Variants in DNER observed in about 807,000 individuals in gnomAD.
The protein encoded by DNER is delta and Notch-like epidermal growth factor-related receptor.
DNER carries 33 observed loss-of-function variants against 78.2 expected under a neutral mutation model. The ratio of observed to expected loss-of-function variants is 0.42; its 90% CI spans 0.32 to 0.56. The LOEUF is 0.56. Among genes scored for constraint, DNER ranks in the 20% least tolerant of loss-of-function variants. The pLI is 0.11. For missense variants in DNER, 918 were observed against 975.3 expected (o/e 0.94, Z 0.78); for synonymous variants, 417 against 384.8 (o/e 1.08, Z -0.98).
chr2:229,563,977 CCAT>C lies in DNER; in HGVS notation c.848-16888_848-16886del, dbSNP rs562263252. Among the ~76,000 whole-genome samples, 579 of 139,046 alleles carry C rather than the reference CCAT, an allele frequency of 4.2e-3. 8 individuals are homozygous for C. Among genetic ancestry groups the C allele is most frequent in the African/African-American group, 0.014 (503 of 36,396 alleles). The allele number at this position is 139,046 out of a possible 152,430, so 91.2% of individuals were successfully genotyped here. On this transcript the variant is annotated intron_variant, in intron 4 of 12. Coordinates refer to ENST00000341772, the MANE Select transcript of DNER (RefSeq NM_139072.4). ...CACCATCATCATCCTCATCCCATCA[CCAT>C]CATCATCATCATCATCCTCACCCCA...
intron 9 of DNER, among the ~76,000 whole-genome samples, chr2:229,410,487 A>C (rs1693486648): frequency 6.6e-6 from 1 of 152,172 alleles, no homozygotes; most frequent in Admixed American, 6.5e-5. Flanking sequence ...TGCCTCAAAA[A>C]CACCCTATTT....
At chr2:229,616,153 T>C (rs1438681927) in intron 1 of DNER, among the ~76,000 whole-genome samples, 1 of 152,234 alleles carries the variant, frequency 6.6e-6, no homozygotes, top group Non-Finnish European at 1.5e-5. Flanking sequence ...TGGTTGCTCA[T>C]AGGTGACCAT....
At chr2:229,432,170 G>A (rs1049440455) in intron 8 of DNER, among the ~76,000 whole-genome samples, 4 of 152,116 alleles carry the variant, frequency 2.6e-5, no homozygotes, top group South Asian at 2.1e-4. Flanking sequence ...AGTAAGAAAA[G>A]CATTTTAATA....
chr2:229,618,022 G>A (rs1698195314), intron 1 of DNER, among the ~76,000 whole-genome samples: 2 of 152,296 alleles, frequency 1.3e-5, no homozygotes, highest in East Asian at 1.9e-4. Flanking sequence ...CATGACCCCT[G>A]GGCTTTTGTT....
intron 4 of DNER, among the ~76,000 whole-genome samples, chr2:229,553,447 A>G (rs540007227): frequency 3.3e-5 from 5 of 152,214 alleles, no homozygotes; most frequent in East Asian, 1.9e-4. Context: ...CGAAGATGTC[A>G]TCTCATGAGT....
At position 229,668,536 on chromosome 2, in the gene DNER, GTATA is replaced by G. The variant is rs1163016191; in HGVS notation, c.276+45608_276+45611del. 1.7e-3 allele frequency among the ~76,000 whole-genome samples: 12 copies of G among 7,086 alleles called. No homozygotes were observed. The East Asian group carries it at 0.037, about 22-fold the overall frequency. The allele number at this position is 7,086 out of a possible 152,430, so 4.6% of individuals were successfully genotyped here. On this transcript the variant is annotated intron_variant, in intron 1 of 12. Coordinates refer to ENST00000341772, the MANE Select transcript of DNER (RefSeq NM_139072.4). Reference sequence around the variant, plus strand: ...TAAGTATGTGTGTGTGTGTGTGTGTGTATATATATATATATATATATATATATAT... The same window carrying G: ...TAAGTATGTGTGTGTGTGTGTGTGTGTATATATATATATATATATATATAT...
intron 7 of DNER, among the ~76,000 whole-genome samples, chr2:229,453,949 A>T (rs567479303): frequency 6.6e-6 from 1 of 151,278 alleles, no homozygotes; most frequent in African/African-American, 2.4e-5. Context: ...AAAAGAAAGA[A>T]GAGAAACCAG....
rs116573446 is a variant in DNER at position 229,445,530 on chromosome 2, G to C, written c.1486+1786C>G. 5.0e-3 allele frequency among the ~76,000 whole-genome samples: 757 copies of C among 152,312 alleles called. 1 individual carries two copies. Among genetic ancestry groups the C allele is most frequent in the Middle Eastern group, 0.014 (4 of 294 alleles). On this transcript the variant is annotated intron_variant, in intron 8 of 12. Coordinates refer to ENST00000341772, the MANE Select transcript of DNER (RefSeq NM_139072.4). ...TGGTATGAAGGTGTGTTTTAGATGA[G>C]ATTAACGTTTAAATCAGCAGACTTT...
At chr2:229,371,828 A>T (rs1008144924) in intron 11 of DNER, among the ~76,000 whole-genome samples, 1 of 152,258 alleles carries the variant, frequency 6.6e-6, no homozygotes, top group Non-Finnish European at 1.5e-5. Context: ...AGTTATTTTT[A>T]AAAAGAGCAA....
intron 11 of DNER, among the ~76,000 whole-genome samples, chr2:229,387,507 GA>G (rs1692901573): frequency 1.0e-5 from 1 of 96,352 alleles, no homozygotes; most frequent in Non-Finnish European, 2.3e-5. Flanking sequence ...AAGAAAGAAA[GA>G]GAGAAAGAAA....
chr2:229,629,072 G>A (rs939951481), intron 1 of DNER, among the ~76,000 whole-genome samples: 1 of 152,322 alleles, frequency 6.6e-6, no homozygotes, highest in South Asian at 2.1e-4. Flanking sequence ...CCTGGTGGTT[G>A]GCTGATTAGA....
intron 8 of DNER, among the ~76,000 whole-genome samples, chr2:229,431,520 T>C (rs540378472): frequency 6.6e-6 from 1 of 152,110 alleles, no homozygotes; most frequent in Non-Finnish European, 1.5e-5. Context: ...TATGACTTTT[T>C]TTTTTAATGT....
intron 7 of DNER, among the ~76,000 whole-genome samples, chr2:229,476,918 A>G (rs1695048621): frequency 6.6e-6 from 1 of 152,026 alleles, no homozygotes; most frequent in Non-Finnish European, 1.5e-5. Flanking sequence ...GTATAAATAA[A>G]ATCACAGAAA....
At position 229,591,557 on chromosome 2, in the gene DNER, T is replaced by C. The variant is rs1237984786; in HGVS notation, c.585+23A>G. On this transcript the variant is annotated intron_variant, in intron 2 of 12. Coordinates refer to ENST00000341772, the MANE Select transcript of DNER (RefSeq NM_139072.4). The surrounding 1 kb of genome is among the most constrained non-coding windows in gnomAD (Gnocchi z 4.6). ...AGATTTCTGGTTTCTAATGTAAAAA[T>C]GCACATGATATAACGTTCTCACCTC... The C allele has an allele frequency of 6.3e-7, 1 of 1,584,764 alleles. No homozygotes were observed. The highest frequency in any genetic ancestry group is 2.3e-5 in the East Asian group (1 of 44,424).
intron 2 of DNER, among the ~76,000 whole-genome samples, chr2:229,590,938 G>T (rs1174420486): frequency 6.6e-6 from 1 of 152,188 alleles, no homozygotes; most frequent in East Asian, 1.9e-4. Flanking sequence ...GGTGAGATTG[G>T]ATTGTTTTCT....
In DNER at chr2:229,622,109, A is replaced by C. The variant is rs111542289; in HGVS notation, c.277-30221T>G. ...TCAAAAAAACAAACAAACAAACAAA[A>C]AAAAGAAATTGCATATAAATAATTA... On this transcript the variant is annotated intron_variant, in intron 1 of 12. Transcript: ENST00000341772. Among the ~76,000 whole-genome samples the C allele has an allele frequency of 5.8e-4, 89 of 152,244 alleles. 1 individual carries two copies. Among genetic ancestry groups the C allele is most frequent in the African/African-American group, 8.7e-4 (36 of 41,546 alleles).
intron 9 of DNER, among the ~76,000 whole-genome samples, chr2:229,417,328 T>C (rs1325512243): frequency 3.3e-5 from 5 of 152,150 alleles, no homozygotes; most frequent in Non-Finnish European, 5.9e-5. Context: ...TTGAATGAAA[T>C]GGCTATAAAT....
chr2:229,444,305 T>C (rs1167673794), intron 8 of DNER, among the ~76,000 whole-genome samples: 2 of 152,192 alleles, frequency 1.3e-5, no homozygotes, highest in Non-Finnish European at 2.9e-5. Context: ...TGCCTGCCTC[T>C]CATTTCATGC....
At chr2:229,430,573 C>T (rs1693981579) in intron 8 of DNER, among the ~76,000 whole-genome samples, 1 of 152,012 alleles carries the variant, frequency 6.6e-6, no homozygotes. Flanking sequence ...TTCCTGCCCT[C>T]GAACATCAGA....
Sources: allele counts gnomAD v4.1 joint callset (sites outside exome capture counted in the v4.1 genomes callset), GRCh38; gene constraint gnomAD v4.1.1; non-coding constraint Gnocchi (gnomAD v3.1); transcripts MANE v1.5; gene names NCBI Gene and HGNC (gene_info 2026-07-23, HGNC 2026-07-21).